USP40: variants seen among roughly 807,000 people sequenced by gnomAD.
USP40 encodes the protein ubiquitin carboxyl-terminal hydrolase 40.
A neutral mutation model predicts 166.2 loss-of-function variants in USP40; 143 were observed. The ratio of observed to expected loss-of-function variants is 0.86; its 90% CI spans 0.75 to 0.99. USP40 has a LOEUF of 0.99. USP40 is among the 50% of genes least tolerant of loss of function. The pLI, the probability that USP40 is intolerant of heterozygous loss-of-function variation, is 0.00. For synonymous variants in USP40, 498 were observed against 524.0 expected, an observed-to-expected ratio of 0.95 and a Z score of 0.68; for missense variants, 1,444 against 1,479.7, an observed-to-expected ratio of 0.98 and a Z score of 0.40.
At chr2:233,560,695 A>G (rs903288336) in intron 3 of USP40, 1 of 259,820 alleles carries the variant, frequency 3.8e-6, no homozygotes, top group Admixed American at 4.8e-5. Context: ...AGGGAGGAAC[A>G]TGATTAGATA....
At chr2:233,522,802 C>A (rs1402908524) in intron 16 of USP40, among the ~76,000 whole-genome samples, 3 of 152,190 alleles carry the variant, frequency 2.0e-5, no homozygotes, top group African/African-American at 7.2e-5. Flanking sequence ...AATGTTAATA[C>A]CTTCTTCAGG....
intron 18 of USP40, among the ~76,000 whole-genome samples, chr2:233,515,852 T>C (rs367636109): frequency 6.6e-6 from 1 of 152,234 alleles, no homozygotes; most frequent in Non-Finnish European, 1.5e-5. Context: ...ATCCATTTAA[T>C]TTTTGCATCA....
chr2:233,556,630 G>T (rs987961720), intron 5 of USP40: 2 of 298,110 alleles, frequency 6.7e-6, no homozygotes, highest in African/African-American at 2.2e-5. Context: ...AAATATTAGG[G>T]TACTGAATAA....
intron 18 of USP40, among the ~76,000 whole-genome samples, chr2:233,513,310 ACTTT>A (rs1346251604): frequency 1.3e-5 from 2 of 151,266 alleles, no homozygotes; most frequent in Non-Finnish European, 2.9e-5. Flanking sequence ...TTCTTTGTGT[ACTTT>A]CTTCTCTGTT....
In USP40 at chr2:233,559,177, G is replaced by A. The variant is rs551058275; in HGVS notation, c.381+634C>T. On this transcript the variant is annotated intron_variant, in intron 4 of 31. Coordinates refer to ENST00000678225, the MANE Select transcript of USP40 (RefSeq NM_001365479.2). The stretch of plus-strand genomic sequence containing the variant: ...GCACCTTTACTCATTGCTGACAAGT[G>A]TGTAGTGTTCGTATACAGTAGAATG... Among the ~76,000 whole-genome samples, 3 of 152,296 alleles carry A rather than the reference G, an allele frequency of 2.0e-5. No individual in the cohort carries two copies. The East Asian group carries it at 5.8e-4, about 29-fold the overall frequency.
chr2:233,481,143 A>G (rs957800669), intron 31 of USP40, 60 bp downstream of exon 31: 82 of 1,464,300 alleles, frequency 5.6e-5, no homozygotes, highest in Non-Finnish European at 7.3e-5. Context: ...CCAAGCAGGA[A>G]TAAGAGAGAG....
intron 31 of USP40, among the ~76,000 whole-genome samples, chr2:233,479,615 G>A (rs962392939): frequency 1.4e-5 from 2 of 145,736 alleles, no homozygotes; most frequent in African/African-American, 5.2e-5. Context: ...TATTAGACAC[G>A]TATAGAATTT....
At chr2:233,529,405 A>C in intron 12 of USP40, 26 bp downstream of exon 12, 1 of 1,541,536 alleles carries the variant, frequency 6.5e-7, no homozygotes, top group Non-Finnish European at 8.8e-7. Context: ...AATACTAGTC[A>C]AACTCTAAAA....
intron 12 of USP40, 100 bp downstream of exon 12, chr2:233,529,330 AT>A (rs144450622): frequency 3.7e-5 from 37 of 987,306 alleles, no homozygotes; most frequent in South Asian, 7.7e-5. Context: ...CAAGTTGACT[AT>A]TTTTTTTCTT....
Position 233,499,889 on chromosome 2 carries a change from A to G in USP40, c.2640T>C (p.Ser880=). The change falls in exon 22 of 32, where the codon TCT becomes TCC. Residue 880 remains serine, a synonymous_variant. Coordinates refer to ENST00000678225, the MANE Select transcript of USP40 (RefSeq NM_001365479.2). The stretch of plus-strand genomic sequence containing the variant: ...TGGTAAGTAACTTACCTTGTAGGCC[A>G]GATTTCTTCAGCATTAACTTTAAAC... ...RDCLKLMLKK[S]GLQGDAWHLR... 1 of 1,612,182 alleles carries G rather than the reference A, an allele frequency of 6.2e-7. No individual in the cohort carries two copies. The highest frequency in any genetic ancestry group is 8.5e-7 in the Non-Finnish European group (1 of 1,179,184).
At position 233,486,834 on chromosome 2, in the gene USP40, C is replaced by G. The variant is rs78378837; in HGVS notation, c.3198-857G>C. 0.027 allele frequency among the ~76,000 whole-genome samples: 4,054 copies of G among 152,198 alleles called. 131 individuals are homozygous for G. The highest frequency in any genetic ancestry group is 0.069 in the African/African-American group (2,872 of 41,510). ...TCCCCATGGGGGAGGGGGCTGCTGG[C>G]CAGGGAGTGAGGCCAAGGCCTGGAG... On this transcript the variant is annotated intron_variant, in intron 28 of 31. Coordinates refer to ENST00000678225, the MANE Select transcript of USP40 (RefSeq NM_001365479.2). This position sits in a 1 kb window ranked among gnomAD's most constrained non-coding sequence, Gnocchi z 4.0.
chr2:233,518,118 C>G (rs1222794879), intron 18 of USP40, among the ~76,000 whole-genome samples: 1 of 151,350 alleles, frequency 6.6e-6, no homozygotes, highest in Non-Finnish European at 1.5e-5. Flanking sequence ...TCTCACAAAG[C>G]ACCACTAAAG....
rs377653761 is a variant in USP40, at chr2:233,554,538, A to T, written c.547-12T>A. 1.9e-5 allele frequency: 30 copies of T among 1,592,964 alleles called. No homozygotes were observed. In the African/African-American group the frequency reaches 3.0e-4, roughly 16 times the overall value. ...TCTAAGAAGTCTTCCTGAAATAGAC[A>T]TGAATATAATATTGAAAAACAATTT... On this transcript the variant is annotated splice_polypyrimidine_tract_variant and intron_variant, in intron 5 of 31. Coordinates refer to ENST00000678225, the MANE Select transcript of USP40 (RefSeq NM_001365479.2).
intron 18 of USP40, among the ~76,000 whole-genome samples, chr2:233,514,522 CA>C (rs2067053524): frequency 6.6e-6 from 1 of 151,948 alleles, no homozygotes; most frequent in African/African-American, 2.4e-5. Context: ...AAGCAGATCA[CA>C]AGGTTACAGT....
At position 233,524,426 on chromosome 2, in the gene USP40, G is replaced by T; in HGVS notation, c.1881+66C>A. The T allele has an allele frequency of 5.6e-6, 8 of 1,418,038 alleles. No homozygotes were observed. The South Asian group carries it at 6.5e-5, about 12-fold the overall frequency. 87.8% of individuals were successfully genotyped at this position (1,418,038 alleles called of 1,614,324 possible). The stretch of plus-strand genomic sequence containing the variant: ...ATTACAGGCATGAGCCACCATGCCC[G>T]GCCATTACGATGACTTTTAAAACAT... On this transcript the variant is annotated intron_variant, in intron 15 of 31. Transcript: ENST00000678225.
At chr2:233,529,814 C>CATTTTTT (rs1553568210) in intron 11 of USP40, among the ~76,000 whole-genome samples, 1 of 133,950 alleles carries the variant, frequency 7.5e-6, no homozygotes, top group Non-Finnish European at 1.5e-5. Flanking sequence ...TTTTCTTTTT[C>CATTTTTT]TTTTTTTTTT....
At position 233,521,070 on chromosome 2, in the gene USP40, A is replaced by G; in HGVS notation, c.2246T>C (p.Ile749Thr). 1.2e-6 allele frequency: 2 copies of G among 1,612,516 alleles called. No individual in the cohort carries two copies. Among genetic ancestry groups the G allele is most frequent in the Non-Finnish European group, 8.5e-7 (1 of 1,179,348 alleles). The change falls in exon 17 of 32, where the codon ATT becomes ACT. Residue 749 changes from isoleucine to threonine, a missense_variant. Coordinates refer to ENST00000678225, the MANE Select transcript of USP40 (RefSeq NM_001365479.2). Reference protein sequence around the residue: ...EEKWVTSMNEIDWLHVKNLCQ... With the variant: ...EEKWVTSMNETDWLHVKNLCQ... ...TAAATTTTTAACGTGGAGCCAGTCA[A>G]TCTCATTCATACTAGTGACCCATTT...
In USP40 at chr2:233,559,778, G is replaced by A. The variant is rs375857468; in HGVS notation, c.381+33C>T. The A allele has an allele frequency of 4.1e-6, 6 of 1,479,514 alleles. No individual in the cohort carries two copies. The Admixed American group carries it at 8.0e-5, about 20-fold the overall frequency. The allele number at this position is 1,479,514 out of a possible 1,614,324, so 91.6% of individuals were successfully genotyped here. ...CAGCCTTATTCTTTCCTCTATTGCT[G>A]GTAACTCTTCCTTAAAGAGCTGATC... On this transcript the variant is annotated intron_variant, in intron 4 of 31. Transcript: ENST00000678225.
intron 8 of USP40, among the ~76,000 whole-genome samples, chr2:233,548,820 GTC>G (rs2070249985): frequency 6.6e-6 from 1 of 152,128 alleles, no homozygotes; most frequent in African/African-American, 2.4e-5. Context: ...AATAATGTGT[GTC>G]TGTGTATGCA....
Sources: allele counts gnomAD v4.1 joint callset (sites outside exome capture counted in the v4.1 genomes callset), GRCh38; gene constraint gnomAD v4.1.1; non-coding constraint Gnocchi (gnomAD v3.1); transcripts MANE v1.5; gene names NCBI Gene and HGNC (gene_info 2026-07-23, HGNC 2026-07-21).